Variants in IMPA2 observed in about 807,000 individuals in gnomAD.
IMPA2 encodes the protein IMP 2.
In IMPA2, 32 loss-of-function variants were observed where a neutral mutation model predicts 35.1. The ratio of observed to expected loss-of-function variants is 0.91; its 90% confidence interval spans 0.69 to 1.23. The LOEUF is 1.23. IMPA2 is among the 50% of genes most tolerant of loss of function. IMPA2 has a pLI of 0.00. For missense variants in IMPA2, 334 were observed against 387.6 expected (o/e 0.86, Z 1.16); for synonymous variants, 135 against 160.6 (o/e 0.84, Z 1.20).
At chr18:11,982,215 C>T (rs1195673271) in intron 1 of IMPA2, among the ~76,000 whole-genome samples, 1 of 152,192 alleles carries the variant, frequency 6.6e-6, no homozygotes, top group Non-Finnish European at 1.5e-5. Flanking sequence ...CTCTGACCCA[C>T]ACCCTGAAAG....
intron 2 of IMPA2, among the ~76,000 whole-genome samples, chr18:12,004,273 GA>G (rs1244867817): frequency 1.4e-5 from 2 of 147,152 alleles, no homozygotes; most frequent in South Asian, 4.3e-4. Flanking sequence ...GTAGCCAGAA[GA>G]AAAAAAAAGA....
In IMPA2 at chr18:12,009,882, G is replaced by A; in HGVS notation, c.231-1G>A. 2 of 1,613,240 alleles carry A rather than the reference G, an allele frequency of 1.2e-6. No homozygotes were observed. The highest frequency in any genetic ancestry group is 2.2e-5 in the South Asian group (2 of 91,056). On this transcript the variant is annotated splice_acceptor_variant, in intron 2 of 7. Transcript: ENST00000269159. LOFTEE classifies it high-confidence loss of function. The stretch of plus-strand genomic sequence containing the variant: ...TCTCAGGCTGGGTTCTTCCACTGCA[G>A]GTTCATTGCAGAAGAGGCCGCGGCT...
intron 2 of IMPA2, chr18:12,008,458 A>C: frequency 2.0e-6 from 1 of 491,900 alleles, no homozygotes; most frequent in South Asian, 1.5e-5. Flanking sequence ...CCTCACCCTT[A>C]GTGAACTTGG....
At position 12,028,846 on chromosome 18, in the gene IMPA2, C is replaced by CGAGTGATTG; in HGVS notation, c.607_615dup (p.Val203_Gly205dup). The CGAGTGATTG allele has an allele frequency of 1.9e-6, 3 of 1,613,984 alleles. No homozygotes were observed. Among genetic ancestry groups the CGAGTGATTG allele is most frequent in the Non-Finnish European group, 2.5e-6 (3 of 1,179,940 alleles). ...TCCTCCCTTCCCTCTCCCCAGGGTCCGAGTGATTGGAAGCTCCACATTGGC... is the reference window on the plus strand; with the variant it reads ...TCCTCCCTTCCCTCTCCCCAGGGTCCGAGTGATTGGAGTGATTGGAAGCTCCACATTGGC... On this transcript the variant is annotated inframe_insertion, in exon 7 of 8. Transcript: ENST00000269159.
At chr18:12,012,566 C>T (rs757628075) in intron 4 of IMPA2, among the ~76,000 whole-genome samples, 4 of 152,208 alleles carry the variant, frequency 2.6e-5, no homozygotes, top group Non-Finnish European at 5.9e-5. Context: ...CTAAAAGGAG[C>T]ACTTAGTTTT....
At chr18:12,001,355 A>G (rs1020265620) in intron 2 of IMPA2, among the ~76,000 whole-genome samples, 2 of 152,098 alleles carry the variant, frequency 1.3e-5, no homozygotes, top group East Asian at 3.9e-4. Context: ...TATTAACCAT[A>G]TTGGCCTAGA....
intron 2 of IMPA2, chr18:12,008,252 T>C: frequency 2.1e-6 from 1 of 482,012 alleles, no homozygotes; most frequent in South Asian, 1.5e-5. Context: ...CGCCTTGGCC[T>C]CCCACAGTGC....
At chr18:11,992,450 G>A (rs1257278282) in intron 1 of IMPA2, among the ~76,000 whole-genome samples, 5 of 152,198 alleles carry the variant, frequency 3.3e-5, no homozygotes, top group African/African-American at 1.2e-4. Context: ...GATGGGGACA[G>A]GAGCACAAGA....
rs547651480 is a variant in IMPA2 at position 12,023,948 on chromosome 18, C to G, written c.491-4095C>G. On this transcript the variant is annotated intron_variant, in intron 5 of 7. Transcript: ENST00000269159. ...GGCAATTTGGAAAATTATATCAAAA[C>G]CTAAAATATGCACACCGTTTGATTC... Among the ~76,000 whole-genome samples, 4 of 152,258 alleles carry G rather than the reference C, an allele frequency of 2.6e-5. No individual in the cohort carries two copies. The East Asian group carries it at 7.7e-4, about 29-fold the overall frequency.
At chr18:12,017,931 G>GGT in intron 5 of IMPA2, 1 of 143,104 alleles carries the variant, frequency 7.0e-6, no homozygotes, top group South Asian at 9.6e-5. Context: ...GTTATACTGG[G>GGT]TTTTTTTTTT....
chr18:12,029,197 A>G lies in IMPA2; in HGVS notation c.751+204A>G, dbSNP rs966173728. 1.2e-4 allele frequency among the ~76,000 whole-genome samples: 16 copies of G among 135,392 alleles called. No homozygotes were observed. The Admixed American group carries it at 1.3e-3, about 11-fold the overall frequency. The allele number at this position is 135,392 out of a possible 152,430, so 88.8% of individuals were successfully genotyped here. A position where few individuals can be genotyped will look rare whatever the true frequency, so the allele number is the denominator to read the frequency against. The stretch of plus-strand genomic sequence containing the variant: ...GGTACAATCTCGGCTCACTGCAACC[A>G]TCCTACTCACGGGTTCAAGCAATTC... On this transcript the variant is annotated intron_variant, in intron 7 of 7. Coordinates refer to ENST00000269159, the MANE Select transcript of IMPA2 (RefSeq NM_014214.3).
At chr18:11,997,874 G>A (rs1464767222) in intron 1 of IMPA2, among the ~76,000 whole-genome samples, 1 of 152,238 alleles carries the variant, frequency 6.6e-6, no homozygotes, top group Non-Finnish European at 1.5e-5. Flanking sequence ...AAGACAGACA[G>A]AAATGGGCAA....
chr18:12,019,291 G>T (rs1262904756), intron 5 of IMPA2, among the ~76,000 whole-genome samples: 1 of 151,922 alleles, frequency 6.6e-6, no homozygotes. Context: ...GTCTCACTCT[G>T]TTGCCCAGGC....
chr18:12,019,408 C>T (rs1263187250), intron 5 of IMPA2, among the ~76,000 whole-genome samples: 1 of 151,564 alleles, frequency 6.6e-6, no homozygotes, highest in Non-Finnish European at 1.5e-5. Flanking sequence ...GCACGCACCC[C>T]ATGTCCGGCT....
chr18:11,994,636 C>G (rs891992804), intron 1 of IMPA2, among the ~76,000 whole-genome samples: 3 of 152,228 alleles, frequency 2.0e-5, no homozygotes, highest in Non-Finnish European at 4.4e-5. Flanking sequence ...ACAAAATCTT[C>G]TAGCATTTAG....
At chr18:11,998,995 C>T in intron 1 of IMPA2, 59 bp from the exon 2 acceptor site, 4 of 1,313,816 alleles carry the variant, frequency 3.0e-6, no homozygotes, top group Non-Finnish European at 4.1e-6. Context: ...GTGGATAATT[C>T]CTTTGCCTGG....
chr18:12,020,286 T>G (rs1178691602), intron 5 of IMPA2, among the ~76,000 whole-genome samples: 2 of 151,812 alleles, frequency 1.3e-5, no homozygotes, highest in African/African-American at 4.8e-5. Context: ...CTCCACCTCC[T>G]GGGTTTAAGT....
chr18:12,025,006 C>T (rs190336490), intron 5 of IMPA2, among the ~76,000 whole-genome samples: 59 of 152,266 alleles, frequency 3.9e-4, no homozygotes, highest in Middle Eastern at 6.8e-3. Flanking sequence ...AGAATATTTT[C>T]GCTGCCCTAA....
Position 12,009,889 on chromosome 18 carries a change from T to C in IMPA2, c.237T>C (p.Ile79=). 6.2e-7 allele frequency: 1 copy of C among 1,614,008 alleles called. No homozygotes were observed. The highest frequency in any genetic ancestry group is 1.1e-5 in the South Asian group (1 of 91,066). The part of the protein sequence containing the change: ...LRERFPSHRF[I]AEEAAASGAK... The stretch of plus-strand genomic sequence containing the variant: ...CTGGGTTCTTCCACTGCAGGTTCAT[T>C]GCAGAAGAGGCCGCGGCTTCTGGGG... Residue 79 remains isoleucine, a synonymous_variant, in exon 3 of 8, where the codon ATT becomes ATC. Transcript: ENST00000269159.
Sources: gnomAD v4.1 joint callset for allele counts (sites outside exome capture counted in the v4.1 genomes callset) on GRCh38, gnomAD v4.1.1 for gene constraint, MANE v1.5 for transcripts, NCBI Gene and HGNC (gene_info 2026-07-23, HGNC 2026-07-21) for gene names.